Variants in CACNA1F observed in about 807,000 individuals in gnomAD.
The protein encoded by CACNA1F is voltage-dependent L-type calcium channel subunit alpha-1F.
In CACNA1F, 59 loss-of-function variants were observed where a neutral mutation model predicts 143.8. The ratio of observed to expected loss-of-function variants is 0.41; its 90% CI spans 0.33 to 0.51. CACNA1F has a LOEUF of 0.51. CACNA1F is among the 20% of genes least tolerant of loss of function. The pLI is 0.22. For synonymous variants in CACNA1F, 643 were observed against 649.1 expected (o/e 0.99, Z 0.14); for missense variants, 1,411 against 1,647.5 (o/e 0.86, Z 2.48).
At chrX:49,209,227 A>G (rs905355438) in intron 42 of CACNA1F, 35 bp downstream of exon 42, 33 of 1,201,747 alleles carry the variant, frequency 2.7e-5, no homozygotes, top group Non-Finnish European at 3.4e-5. Flanking sequence ...GTATTTTACA[A>G]TCAAGTTCCT....
intron 18 of CACNA1F, among the ~76,000 whole-genome samples, 173 bp from the exon 19 acceptor site, chrX:49,220,697 G>A (rs2065766531): frequency 1.8e-5 from 2 of 113,142 alleles, no homozygotes; most frequent in South Asian, 3.6e-4. Flanking sequence ...AGCACTTTGG[G>A]AGGCTGAGGC....
chrX:49,224,706 G>A (rs1158989682), intron 14 of CACNA1F, 55 bp downstream of exon 14: 26 of 727,454 alleles, frequency 3.6e-5, no homozygotes, highest in Non-Finnish European at 4.6e-5. Flanking sequence ...GAGCTTGGGT[G>A]GGGGTGTTGA....
In CACNA1F at chrX:49,209,477, G is replaced by A. The variant is rs188700792; in HGVS notation, c.4822-84C>T. 3.0e-4 allele frequency: 339 copies of A among 1,131,888 alleles called. 1 individual carries two copies. In the African/African-American group the frequency reaches 5.3e-3, roughly 18 times the overall value. The allele number at this position is 1,131,888 out of a possible 1,213,427, so 93.3% of individuals were successfully genotyped here. On this transcript the variant is annotated intron_variant, in intron 41 of 47. Coordinates refer to ENST00000323022, the MANE Select transcript of CACNA1F (RefSeq NM_001256789.3). ...TCCCCTGCAGGCGGGTAGGGTGGGG[G>A]AAGGAGTCCTTCAGCCACCCTGGCC...
At position 49,210,019 on chromosome X, in the gene CACNA1F, C is replaced by T. The variant is rs782700909; in HGVS notation, c.4612G>A (p.Glu1538Lys). Residue 1538 changes from glutamate to lysine, a missense_variant, in exon 40 of 48, where the codon GAG becomes AAG. By Grantham distance (56) the Glu-to-Lys change is moderately conservative. This residue lies in a region of CACNA1F where 112 missense variants were observed against 169.2 expected (regional missense o/e 0.66). Transcript: ENST00000323022. Reference protein sequence around the residue: ...TEGNLEQANQELRIVIKKIWK... With the variant: ...TEGNLEQANQKLRIVIKKIWK... ...ATCTTTTTGATGACAATCCGCAGCT[C>T]CTGGTTGGCTTGCTCCAGGTTCCCT... 2.5e-6 allele frequency: 3 copies of T among 1,209,566 alleles called. No individual in the cohort carries two copies. In the Admixed American group the frequency reaches 6.5e-5, roughly 26 times the overall value.
At chrX:49,228,194 T>C in intron 7 of CACNA1F, 55 bp from the exon 8 acceptor site, 2 of 1,185,107 alleles carry the variant, frequency 1.7e-6, no homozygotes, top group Non-Finnish European at 2.3e-6. Flanking sequence ...CCTGCGTGAG[T>C]GTCAGGGAGG....
Position 49,223,081 on chromosome X carries a change from T to C in CACNA1F, c.1933A>G (p.Ile645Val), listed in dbSNP as rs1344295491. ...AAGAGGAGAAGCAGCAAGGATGCGA[T>C]GGATTTCATTGAATTGAGCAGGGAT... The part of the protein sequence containing the change: ...VASLLNSMKS[I>V]ASLLLLLFLF... Residue 645 changes from isoleucine (I) to valine (V), a missense_variant, in exon 15 of 48, where the codon ATC becomes GTC. This residue lies in a region of CACNA1F where 950 missense variants were observed against 1,128.1 expected (regional missense o/e 0.84). Transcript: ENST00000323022. 7 of 1,200,838 alleles carry C rather than the reference T, an allele frequency of 5.8e-6. No individual in the cohort carries two copies. The highest frequency in any genetic ancestry group is 3.5e-5 in the African/African-American group (2 of 56,651).
chrX:49,212,989 A>G lies in CACNA1F; in HGVS notation c.3798T>C (p.Gly1266=). 8.3e-7 allele frequency: 1 copy of G among 1,203,393 alleles called. No individual in the cohort carries two copies. Among genetic ancestry groups the G allele is most frequent in the Admixed American group, 2.2e-5 (1 of 45,454 alleles). Residue 1266 remains glycine, a synonymous_variant, in exon 32 of 48, where the codon GGT becomes GGC. Transcript: ENST00000323022. The part of the protein sequence containing the change: ...VDIAVTEVNN[G]GHLGESSEDS... ...GGTGGGCTACCTCGCCAAGGTGGCCACCATTCTGGAGGGAGATATGGCCAA... is the reference window on the plus strand; with the variant it reads ...GGTGGGCTACCTCGCCAAGGTGGCCGCCATTCTGGAGGGAGATATGGCCAA...
chrX:49,217,203 C>T (rs1324871096), intron 26 of CACNA1F, among the ~76,000 whole-genome samples: 1 of 112,735 alleles, frequency 8.9e-6, no homozygotes, highest in Admixed American at 9.4e-5. Flanking sequence ...AGGTGATCTG[C>T]CTGCCTTGGC....
At position 49,231,186 on chromosome X, in the gene CACNA1F, G is replaced by A. The variant is rs1337491972; in HGVS notation, c.381+16C>T. The A allele has an allele frequency of 1.1e-4, 115 of 1,078,922 alleles. No individual in the cohort carries two copies. Among genetic ancestry groups the A allele is most frequent in the Non-Finnish European group, 1.4e-4 (109 of 794,175 alleles). 88.9% of individuals were successfully genotyped at this position (1,078,922 alleles called of 1,213,427 possible). On this transcript the variant is annotated intron_variant, in intron 3 of 47. Transcript: ENST00000323022. Reference sequence around the variant, plus strand: ...TCTATTTGGCTGGGAACTGGCTGGGGCGGGGCGGGCCTTACCAGGTTGTGG... The same window carrying A: ...TCTATTTGGCTGGGAACTGGCTGGGACGGGGCGGGCCTTACCAGGTTGTGG...
chrX:49,205,289 C>T lies in CACNA1F; in HGVS notation c.5749G>A (p.Ala1917Thr). 1 of 1,210,150 alleles carries T rather than the reference C, an allele frequency of 8.3e-7. No homozygotes were observed. The highest frequency in any genetic ancestry group is 2.2e-5 in the Admixed American group (1 of 45,898). The change falls in exon 48 of 48, where the codon GCG becomes ACG. Residue 1917 changes from alanine to threonine, a missense_variant. Transcript: ENST00000323022. ...ATCTCATCCAGCGTCAGGCGACACGCATCTGCAATCTCCTGCTTGGCCAGG... is the reference window on the plus strand; with the variant it reads ...ATCTCATCCAGCGTCAGGCGACACGTATCTGCAATCTCCTGCTTGGCCAGG... ...VALAKQEIAD[A>T]CRLTLDEMDN...
chrX:49,216,670 C>A (rs2065720751), intron 26 of CACNA1F, 142 bp from the exon 27 acceptor site: 1 of 523,865 alleles, frequency 1.9e-6, no homozygotes. Flanking sequence ...CATGTCCTGG[C>A]TGGGTGACCT....
chrX:49,213,090 G>T, intron 31 of CACNA1F, 96 bp from the exon 32 acceptor site: 1 of 711,216 alleles, frequency 1.4e-6, no homozygotes, highest in Non-Finnish European at 2.2e-6. Context: ...CAGATATAGG[G>T]GGTGATGGTG....
intron 44 of CACNA1F, 69 bp from the exon 45 acceptor site, chrX:49,206,924 C>A: frequency 8.7e-7 from 1 of 1,147,917 alleles, no homozygotes; most frequent in Non-Finnish European, 1.2e-6. Flanking sequence ...AGATGGGGCA[C>A]AAACAGTCCT....
intron 44 of CACNA1F, 47 bp from the exon 45 acceptor site, chrX:49,206,902 C>T: frequency 8.5e-7 from 1 of 1,174,576 alleles, no homozygotes. Flanking sequence ...TGGGCCTGGA[C>T]CTGGGCCTGG....
At chrX:49,211,827 C>T (rs1399592853) in intron 35 of CACNA1F, 71 bp downstream of exon 35, 2 of 822,191 alleles carry the variant, frequency 2.4e-6, no homozygotes, top group Non-Finnish European at 3.7e-6. Context: ...ATAGCTCAAG[C>T]AGTCTGGGGC....
chrX:49,222,763 T>C lies in CACNA1F; in HGVS notation c.2161A>G (p.Met721Val), dbSNP rs1557108985. 1.7e-6 allele frequency: 2 copies of C among 1,210,329 alleles called. No individual in the cohort carries two copies. Among genetic ancestry groups the C allele is most frequent in the Admixed American group, 4.4e-5 (2 of 45,966 alleles). The change falls in exon 16 of 48, where the codon ATG becomes GTG. Residue 721 changes from methionine (M) to valine (V), a missense_variant. Transcript: ENST00000323022. Reference protein sequence around the residue: ...MAYGGPFFPGMLVCIYFIILF... With the variant: ...MAYGGPFFPGVLVCIYFIILF... ...ATGATGAAATAGATGCACACCAACA[T>C]TCCTGGGAAGAAGGGGCCACCATAT...
At position 49,219,645 on chromosome X, in the gene CACNA1F, G is replaced by C. The variant is rs1557108383; in HGVS notation, c.2532C>G (p.Ser844Arg). The change falls in exon 20 of 48, where the codon AGC becomes AGG. Residue 844 changes from serine to arginine, a missense_variant. Ser to Arg is a moderately radical substitution (Grantham distance 110, BLOSUM62 -1). Around this residue, in one of 3 missense-constraint regions of CACNA1F, gnomAD observed 950 missense variants for 1,128.1 expected, o/e 0.84. Transcript: ENST00000323022. ...CTTCCGGCACTCACGGGTTGGTTTG[G>C]CTGAGGCAGAAGAAGGCGCTGCCCT... Reference protein sequence around the residue: ...IPEGSAFFCLSQTNPLRKGCH... With the variant: ...IPEGSAFFCLRQTNPLRKGCH... 5.0e-6 allele frequency: 6 copies of C among 1,203,949 alleles called. No individual in the cohort carries two copies. Among genetic ancestry groups the C allele is most frequent in the Non-Finnish European group, 6.7e-6 (6 of 891,647 alleles).
chrX:49,223,800 C>T (rs1279468260), intron 14 of CACNA1F, among the ~76,000 whole-genome samples: 40 of 99,892 alleles, frequency 4.0e-4, no homozygotes, highest in Non-Finnish European at 6.0e-4. Flanking sequence ...GGCACAATCT[C>T]GTCTCACTGC....
At chrX:49,214,499 T>C (rs1437157212) in intron 29 of CACNA1F, among the ~76,000 whole-genome samples, 2 of 112,425 alleles carry the variant, frequency 1.8e-5, no homozygotes, top group Middle Eastern at 4.2e-3. Context: ...GACATAAACA[T>C]AAATCTGCTG....
Sources: allele counts gnomAD v4.1 joint callset (sites outside exome capture counted in the v4.1 genomes callset), GRCh38; gene constraint gnomAD v4.1.1; regional missense constraint gnomAD v4.1.1; transcripts MANE v1.5; gene names NCBI Gene and HGNC (gene_info 2026-07-23, HGNC 2026-07-21).